The following KIF13B variants were observed in gnomAD, a reference collection of about 807,000 sequenced individuals.
The protein encoded by KIF13B is kinesin family member 13B, also known as kinesin-like protein KIF13B.
A neutral mutation model predicts 222.0 loss-of-function variants in KIF13B; 127 were observed. The ratio of observed to expected loss-of-function variants is 0.57; its 90% CI spans 0.50 to 0.66. The LOEUF is 0.66. Among genes scored for constraint, KIF13B ranks in the 30% least tolerant of loss-of-function variants. The pLI is 0.00. For synonymous variants in KIF13B, 976 were observed against 919.0 expected (o/e 1.06, Z -1.12); for missense variants, 2,173 against 2,379.0 (o/e 0.91, Z 1.80).
At position 29,072,318 on chromosome 8, in the gene KIF13B, T is replaced by TG; in HGVS notation, c.4522-3dup. 7.1e-7 allele frequency: 1 copy of TG among 1,406,402 alleles called. No homozygotes were observed. The highest frequency in any genetic ancestry group is 9.3e-7 in the Non-Finnish European group (1 of 1,076,086). The allele number at this position is 1,406,402 out of a possible 1,614,324, so 87.1% of individuals were successfully genotyped here. A position where few individuals can be genotyped will look rare whatever the true frequency, so the allele number is the denominator to read the frequency against. On this transcript the variant is annotated splice_polypyrimidine_tract_variant and splice_region_variant and intron_variant, in intron 38 of 39. Coordinates refer to ENST00000524189, the MANE Select transcript of KIF13B (RefSeq NM_015254.4). ...GTCAGGGCCCATCTCCGGCTGAGCC[T>TG]GCAGCAGGACGGGGAAGCAGGGGCT... is the stretch of plus-strand genomic sequence containing the variant.
chr8:29,263,222 G>T, upstream of KIF13B: 1 of 556,210 alleles, frequency 1.8e-6, no homozygotes. Context: ...GGGTCGTCGT[G>T]GGCGGGGCCG....
intron 1 of KIF13B, among the ~76,000 whole-genome samples, chr8:29,259,738 T>A (rs553491203): frequency 6.6e-6 from 1 of 152,356 alleles, no homozygotes; most frequent in East Asian, 1.9e-4. Flanking sequence ...GAATGGGTGT[T>A]CTGTGCGGCA....
chr8:29,171,287 A>C (rs1054562470), intron 10 of KIF13B, among the ~76,000 whole-genome samples: 2 of 152,200 alleles, frequency 1.3e-5, no homozygotes, highest in African/African-American at 2.4e-5. Flanking sequence ...CCCTCATTTA[A>C]TGGTTGTTCC....
At chr8:29,114,516 G>T (rs1035761058) in intron 31 of KIF13B, among the ~76,000 whole-genome samples, 1 of 152,168 alleles carries the variant, frequency 6.6e-6, no homozygotes, top group East Asian at 1.9e-4. Flanking sequence ...GTGGTGAAGG[G>T]AGATGTAGAT....
chr8:29,099,323 A>T, intron 35 of KIF13B, 82 bp from the exon 36 acceptor site: 2 of 900,974 alleles, frequency 2.2e-6, no homozygotes, highest in South Asian at 1.6e-5. Context: ...TCAAGAAAAA[A>T]AACTGTTATA....
At chr8:29,258,295 G>A (rs1816560408) in intron 1 of KIF13B, among the ~76,000 whole-genome samples, 1 of 152,132 alleles carries the variant, frequency 6.6e-6, no homozygotes, top group Admixed American at 6.5e-5. Flanking sequence ...ACTTCCTTAT[G>A]CTTCCCATTC....
chr8:29,257,339 G>GTT (rs990836798), intron 1 of KIF13B, among the ~76,000 whole-genome samples: 3 of 147,372 alleles, frequency 2.0e-5, no homozygotes, highest in African/African-American at 7.4e-5. Flanking sequence ...TCGAGTTTTT[G>GTT]TTTTTTTTTT....
At chr8:29,160,693 T>C (rs982976868) in intron 13 of KIF13B, 40 bp downstream of exon 13, 1 of 1,585,294 alleles carries the variant, frequency 6.3e-7, no homozygotes, top group Non-Finnish European at 8.6e-7. Flanking sequence ...TATTGTCCTA[T>C]TTTGTAACAA....
At chr8:29,174,768 AT>A (rs1812406986) in intron 10 of KIF13B, among the ~76,000 whole-genome samples, 2 of 152,230 alleles carry the variant, frequency 1.3e-5, no homozygotes, top group East Asian at 1.9e-4. Flanking sequence ...TTAGCATTAC[AT>A]TTAAGAGAGA....
intron 37 of KIF13B, among the ~76,000 whole-genome samples, chr8:29,086,760 T>A (rs1364913918): frequency 6.6e-6 from 1 of 152,228 alleles, no homozygotes; most frequent in African/African-American, 2.4e-5. Flanking sequence ...TATTGTACTA[T>A]TGATCCAGAT....
chr8:29,189,012 C>T (rs1319982285), intron 4 of KIF13B, among the ~76,000 whole-genome samples: 5 of 152,166 alleles, frequency 3.3e-5, no homozygotes, highest in Non-Finnish European at 7.4e-5. Context: ...TACCAACCCC[C>T]TCTCCTTTCC....
At chr8:29,244,214 T>C (rs376909421) in intron 2 of KIF13B, among the ~76,000 whole-genome samples, 1,691 of 152,198 alleles carry the variant, frequency 0.011, 23 homozygotes, top group African/African-American at 0.035. Flanking sequence ...GGGGTTTCAC[T>C]GTGTTAGCCA....
intron 35 of KIF13B, among the ~76,000 whole-genome samples, chr8:29,102,722 A>G (rs551940818): frequency 2.6e-5 from 4 of 152,344 alleles, no homozygotes; most frequent in African/African-American, 9.6e-5. Context: ...TGCAGCTGGA[A>G]GAGGAGTGAC....
chr8:29,157,391 C>CA (rs1211633410), intron 13 of KIF13B, among the ~76,000 whole-genome samples: 6 of 53,524 alleles, frequency 1.1e-4, no homozygotes, highest in Non-Finnish European at 2.6e-4. Flanking sequence ...CTCGTCTCTA[C>CA]CAAAAAAAAA....
chr8:29,234,127 T>C (rs1232572927), intron 2 of KIF13B, among the ~76,000 whole-genome samples: 1 of 152,100 alleles, frequency 6.6e-6, no homozygotes, highest in Admixed American at 6.5e-5. Flanking sequence ...ATTGATGGTC[T>C]TGAAAAGTAA....
intron 35 of KIF13B, among the ~76,000 whole-genome samples, chr8:29,102,004 A>T (rs1586778078): frequency 6.6e-6 from 1 of 152,050 alleles, no homozygotes; most frequent in Non-Finnish European, 1.5e-5. Flanking sequence ...CCCCAGGGAC[A>T]ACGCAATGAC....
At chr8:29,221,236 G>A (rs1430005819) in intron 2 of KIF13B, among the ~76,000 whole-genome samples, 1 of 151,542 alleles carries the variant, frequency 6.6e-6, no homozygotes, top group Non-Finnish European at 1.5e-5. Context: ...CCAAGTAGCT[G>A]GGATTACAGG....
intron 10 of KIF13B, among the ~76,000 whole-genome samples, chr8:29,170,359 C>G (rs770567379): frequency 2.0e-5 from 3 of 152,206 alleles, no homozygotes; most frequent in Non-Finnish European, 4.4e-5. Flanking sequence ...AGAGCTGATT[C>G]AGAACAGAGC....
intron 1 of KIF13B, among the ~76,000 whole-genome samples, chr8:29,258,640 G>A (rs999084654): frequency 6.6e-6 from 1 of 152,056 alleles, no homozygotes; most frequent in Non-Finnish European, 1.5e-5. Context: ...TAGTCTCTGT[G>A]TCCTCACTCT....
Sources: gnomAD v4.1 joint callset for allele counts (sites outside exome capture counted in the v4.1 genomes callset) on GRCh38, gnomAD v4.1.1 for gene constraint, MANE v1.5 for transcripts, NCBI Gene and HGNC (gene_info 2026-07-23, HGNC 2026-07-21) for gene names.